SORCS2: variants seen among roughly 807,000 people sequenced by gnomAD.
SORCS2 encodes sortilin related VPS10 domain containing receptor 2, also known as VPS10 domain-containing receptor SorCS2.
A neutral mutation model predicts 141.6 loss-of-function variants in SORCS2; 100 were observed. The ratio of observed to expected loss-of-function variants is 0.71; its 90% confidence interval spans 0.60 to 0.83. SORCS2 has a LOEUF of 0.83. Among genes scored for constraint, SORCS2 ranks in the 40% least tolerant of loss-of-function variants. The pLI, the probability that SORCS2 is intolerant of heterozygous loss-of-function variation, is 0.00. For synonymous variants in SORCS2, 789 were observed against 676.9 expected (o/e 1.17, Z -2.57); for missense variants, 1,646 against 1,560.2 (o/e 1.05, Z -0.93).
chr4:7,733,353 C>G lies in SORCS2; in HGVS notation c.3140C>G (p.Ala1047Gly). ...GCCGCCATCCAGCAGGTGCTGAACGCACAGAAGATCAGCTTCCTCCTGCGA... is the reference window on the plus strand; with the variant it reads ...GCCGCCATCCAGCAGGTGCTGAACGGACAGAAGATCAGCTTCCTCCTGCGA... ...RLAAIQQVLN[A>G]QKISFLLRGG... is the part of the protein sequence containing the mutation. Residue 1047 changes from alanine to glycine, a missense_variant, in exon 24 of 27, where the codon GCA (alanine) becomes GGA (glycine). Physicochemically the swap from Ala to Gly is moderately conservative, Grantham distance 60. Transcript: ENST00000507866. 4.4e-6 allele frequency: 7 copies of G among 1,574,624 alleles called. No individual in the cohort carries two copies. The highest frequency in any genetic ancestry group is 6.0e-6 in the Non-Finnish European group (7 of 1,161,442).
At chr4:7,272,120 C>T (rs540944900) in intron 1 of SORCS2, among the ~76,000 whole-genome samples, 11 of 152,260 alleles carry the variant, frequency 7.2e-5, no homozygotes, top group East Asian at 1.9e-4. Flanking sequence ...TTTGATTAAC[C>T]GCTGAGCACA....
At chr4:7,303,802 C>T (rs1009126166) in intron 1 of SORCS2, among the ~76,000 whole-genome samples, 6 of 152,226 alleles carry the variant, frequency 3.9e-5, no homozygotes, top group Admixed American at 2.0e-4. Flanking sequence ...CAGACCTCGG[C>T]GCGTCTCTGT....
chr4:7,511,676 G>A (rs1732662827), intron 2 of SORCS2, among the ~76,000 whole-genome samples: 1 of 152,166 alleles, frequency 6.6e-6, no homozygotes, highest in Non-Finnish European at 1.5e-5. Flanking sequence ...GCTGGGGACA[G>A]GTGGGGACAG....
In SORCS2 at chr4:7,255,838, T is replaced by C. The variant is rs545692498; in HGVS notation, c.480+62712T>C. Among the ~76,000 whole-genome samples the C allele has an allele frequency of 6.5e-3, 907 of 139,214 alleles. 10 individuals carry two copies. The highest frequency in any genetic ancestry group is 0.023 in the African/African-American group (850 of 36,206). 91.3% of individuals were successfully genotyped at this position (139,214 alleles called of 152,430 possible). On this transcript the variant is annotated intron_variant, in intron 1 of 26. Transcript: ENST00000507866. ...GGGGTTGGAGCGTGGGGACCCGGGG[T>C]TGGTGCGTGGGGACCCGGGGCTGGA...
chr4:7,272,263 G>C (rs1715195315), intron 1 of SORCS2, among the ~76,000 whole-genome samples: 1 of 152,194 alleles, frequency 6.6e-6, no homozygotes, highest in Admixed American at 6.5e-5. Context: ...CGCCATCTTT[G>C]CTTTGCTGTC....
intron 3 of SORCS2, among the ~76,000 whole-genome samples, chr4:7,537,801 G>T (rs766264785): frequency 6.6e-6 from 1 of 152,138 alleles, no homozygotes; most frequent in Non-Finnish European, 1.5e-5. Flanking sequence ...GAGCCCAGGA[G>T]TTTGAGACCA....
intron 10 of SORCS2, among the ~76,000 whole-genome samples, chr4:7,684,782 C>T (rs1229414231): frequency 6.6e-6 from 1 of 152,176 alleles, no homozygotes; most frequent in Non-Finnish European, 1.5e-5. Flanking sequence ...TTCCACCTGG[C>T]ACACAGCAGG....
At chr4:7,321,656 G>C (rs1408190316) in intron 1 of SORCS2, among the ~76,000 whole-genome samples, 1 of 152,230 alleles carries the variant, frequency 6.6e-6, no homozygotes, top group Non-Finnish European at 1.5e-5. Flanking sequence ...CACAAGACCA[G>C]GTGGGCTCCA....
chr4:7,295,431 C>T (rs541257691), intron 1 of SORCS2, among the ~76,000 whole-genome samples: 6 of 152,020 alleles, frequency 3.9e-5, no homozygotes, highest in African/African-American at 9.7e-5. Context: ...GATGAAGAGC[C>T]CCTGGCTTGG....
At chr4:7,334,409 C>T (rs866447513) in intron 1 of SORCS2, among the ~76,000 whole-genome samples, 4 of 152,082 alleles carry the variant, frequency 2.6e-5, no homozygotes, top group Non-Finnish European at 2.9e-5. Flanking sequence ...TTCCACAGCC[C>T]CCCAGGGGCT....
rs776104060 is a variant in SORCS2, at chr4:7,740,181, C to G, written c.3416-19C>G. On this transcript the variant is annotated intron_variant, in intron 26 of 26. Transcript: ENST00000507866. ...CCCGGGCTTGTGCTCACGGGACCTGCGTCTCTTCTGTTTCCTAGGCAACCA... is the reference window on the plus strand; with the variant it reads ...CCCGGGCTTGTGCTCACGGGACCTGGGTCTCTTCTGTTTCCTAGGCAACCA... The G allele has an allele frequency of 1.1e-5, 17 of 1,601,054 alleles. No individual in the cohort carries two copies. In the Admixed American group the frequency reaches 2.4e-4, roughly 22 times the overall value.
In SORCS2 at chr4:7,697,188, T is replaced by A; in HGVS notation, c.1592-10T>A. On this transcript the variant is annotated splice_polypyrimidine_tract_variant and intron_variant, in intron 11 of 26. Transcript: ENST00000507866. ...CTAAGGGTAGTACTGCCCCTTTTCT[T>A]TTGGACCAGGTAACCTGGGCTCACA... 8.9e-6 allele frequency: 14 copies of A among 1,571,644 alleles called. No homozygotes were observed. The highest frequency in any genetic ancestry group is 1.2e-5 in the Non-Finnish European group (14 of 1,158,086).
chr4:7,652,578 C>T (rs1267415611), intron 4 of SORCS2, among the ~76,000 whole-genome samples: 7 of 152,154 alleles, frequency 4.6e-5, no homozygotes, highest in African/African-American at 1.2e-4. Flanking sequence ...TCCCAGGTTC[C>T]GGGGCACAGA....
intron 1 of SORCS2, among the ~76,000 whole-genome samples, chr4:7,394,262 G>A (rs2109107627): frequency 6.6e-6 from 1 of 152,276 alleles, no homozygotes; most frequent in East Asian, 1.9e-4. Flanking sequence ...CTTTCAGTGA[G>A]TGGTGTGAGT....
chr4:7,603,068 A>T (rs1577825345), intron 3 of SORCS2, among the ~76,000 whole-genome samples: 1 of 152,076 alleles, frequency 6.6e-6, no homozygotes, highest in South Asian at 2.1e-4. Context: ...CTGAGGCAGG[A>T]GAATCAGGCA....
Position 7,220,598 on chromosome 4 carries a change from G to A in SORCS2, c.480+27472G>A, listed in dbSNP as rs148530789. Among the ~76,000 whole-genome samples, 95 of 152,304 alleles carry A rather than the reference G, an allele frequency of 6.2e-4. No homozygotes were observed. In the East Asian group the frequency reaches 0.016, roughly 26 times the overall value. On this transcript the variant is annotated intron_variant, in intron 1 of 26. Coordinates refer to ENST00000507866, the MANE Select transcript of SORCS2 (RefSeq NM_020777.3). ...GATGGGTGAGGTTGATTCAGGCAAG[G>A]GGCTGCTGTCTAGCTCAGAGGGAGT...
At chr4:7,327,734 C>T (rs2108959538) in intron 1 of SORCS2, among the ~76,000 whole-genome samples, 1 of 152,334 alleles carries the variant, frequency 6.6e-6, no homozygotes. Flanking sequence ...CGAGGCCCAG[C>T]CTCTCTGTGG....
chr4:7,629,895 G>A (rs2108845552), intron 3 of SORCS2, among the ~76,000 whole-genome samples: 1 of 152,172 alleles, frequency 6.6e-6, no homozygotes, highest in Non-Finnish European at 1.5e-5. Context: ...TTTGACCCAA[G>A]CCTGAAACTT....
chr4:7,396,584 G>A (rs187419245), intron 2 of SORCS2, among the ~76,000 whole-genome samples: 26 of 152,362 alleles, frequency 1.7e-4, no homozygotes, highest in African/African-American at 4.6e-4. Context: ...TTCAGAAAGC[G>A]TCTTGGCTTT....
Sources: allele counts gnomAD v4.1 joint callset (sites outside exome capture counted in the v4.1 genomes callset), GRCh38; gene constraint gnomAD v4.1.1; transcripts MANE v1.5; gene names NCBI Gene and HGNC (gene_info 2026-07-23, HGNC 2026-07-21).